The following CEP135 variants were observed in gnomAD, a reference collection of about 807,000 sequenced individuals.
CEP135 encodes centrosomal protein of 135 kDa.
Under a neutral mutation model 157.3 loss-of-function variants are expected in CEP135, and 142 were observed. The ratio of observed to expected loss-of-function variants is 0.90; its 90% CI spans 0.79 to 1.04. The LOEUF (loss-of-function observed/expected upper bound fraction) is 1.04. CEP135 is among the 50% of genes least tolerant of loss of function. The probability of loss-of-function intolerance (pLI) is 0.00; values close to 1 mark genes in which losing one functional copy is unlikely to be tolerated. For missense variants in CEP135, 1,317 were observed against 1,309.2 expected (o/e 1.01, Z -0.09); for synonymous variants, 396 against 439.8 (o/e 0.90, Z 1.25).
chr4:55,957,200 T>C, intron 4 of CEP135, 23 bp from the exon 5 acceptor site: 1 of 1,607,650 alleles, frequency 6.2e-7, no homozygotes, highest in South Asian at 1.1e-5. Context: ...TTCTTAGTTT[T>C]TTAAGACACT....
chr4:55,984,288 T>C (rs188863075), intron 13 of CEP135, among the ~76,000 whole-genome samples: 1 of 152,200 alleles, frequency 6.6e-6, no homozygotes, highest in African/African-American at 2.4e-5. Context: ...TATTGAAAGA[T>C]TCCTTCACAT....
intron 6 of CEP135, among the ~76,000 whole-genome samples, chr4:55,963,750 A>G (rs1179166370): frequency 6.6e-6 from 1 of 152,248 alleles, no homozygotes; most frequent in Non-Finnish European, 1.5e-5. Flanking sequence ...CGTCTCAAAA[A>G]GAAAAAGAAA....
Position 55,961,795 on chromosome 4 carries a change from A to T in CEP135, c.699+2029A>T, listed in dbSNP as rs563245359. Among the ~76,000 whole-genome samples, 18 of 134,760 alleles carry T rather than the reference A, an allele frequency of 1.3e-4. No individual in the cohort carries two copies. In the South Asian group the frequency reaches 4.0e-3, roughly 30 times the overall value. The allele number at this position is 134,760 out of a possible 152,430, so 88.4% of individuals were successfully genotyped here. ...AAAAAAAAAAAAAAAAAAAAAAAAAATCCATCTTCTGAGAATGTCACCTTG... is the reference window on the plus strand; with the variant it reads ...AAAAAAAAAAAAAAAAAAAAAAAAATTCCATCTTCTGAGAATGTCACCTTG... On this transcript the variant is annotated intron_variant, in intron 6 of 25. Coordinates refer to ENST00000257287, the MANE Select transcript of CEP135 (RefSeq NM_025009.5).
At chr4:56,006,696 A>G (rs192071697) in intron 17 of CEP135, among the ~76,000 whole-genome samples, 6 of 152,120 alleles carry the variant, frequency 3.9e-5, no homozygotes, top group African/African-American at 1.4e-4. Flanking sequence ...AATTTCCTTG[A>G]TACCTCAATT....
rs112638036 is a variant in CEP135 at position 55,975,373 on chromosome 4, A to AG, written c.1473+406dup. On this transcript the variant is annotated intron_variant, in intron 11 of 25. Coordinates refer to ENST00000257287, the MANE Select transcript of CEP135 (RefSeq NM_025009.5). ...TGTCATTTCCAGCCTTGGACCAGTTAGGAAGGTGTGTCACATTCTACTGAC... is the reference window on the plus strand; with the variant it reads ...TGTCATTTCCAGCCTTGGACCAGTTAGGGAAGGTGTGTCACATTCTACTGAC... Among the ~76,000 whole-genome samples, 70 of 152,322 alleles carry AG rather than the reference A, an allele frequency of 4.6e-4. 1 individual carries two copies. Among genetic ancestry groups the AG allele is most frequent in the African/African-American group, 1.4e-3 (57 of 41,586 alleles).
chr4:56,009,911 C>T lies in CEP135; in HGVS notation c.2505+8C>T, dbSNP rs754979069. On this transcript the variant is annotated splice_region_variant and intron_variant, in intron 19 of 25. Transcript: ENST00000257287. Reference sequence around the variant, plus strand: ...ATGGCAAGAGAAAATCAAGTATGAACACAAGGCATAAATTTTGATAGTTTT... The same window carrying T: ...ATGGCAAGAGAAAATCAAGTATGAATACAAGGCATAAATTTTGATAGTTTT... The T allele has an allele frequency of 1.9e-6, 3 of 1,608,656 alleles. No homozygotes were observed. The highest frequency in any genetic ancestry group is 2.5e-6 in the Non-Finnish European group (3 of 1,178,338).
chr4:56,021,891 A>G (rs1407051309), intron 24 of CEP135, among the ~76,000 whole-genome samples: 1 of 152,072 alleles, frequency 6.6e-6, no homozygotes, highest in Non-Finnish European at 1.5e-5. Context: ...TAGCTGGGGC[A>G]TGGTGATGGG....
Position 55,965,909 on chromosome 4 carries a change from C to T in CEP135, c.1044+50C>T, listed in dbSNP as rs759262268. ...TGAGAGTGTTCATTAATTCTCCTAG[C>T]ACACGGTAAGCTTGATCCCTTTTGA... is the stretch of plus-strand genomic sequence containing the variant. On this transcript the variant is annotated intron_variant, in intron 8 of 25. Coordinates refer to ENST00000257287, the MANE Select transcript of CEP135 (RefSeq NM_025009.5). 2.1e-6 allele frequency: 3 copies of T among 1,438,444 alleles called. No individual in the cohort carries two copies. The African/African-American group carries it at 4.2e-5, about 20-fold the overall frequency. The allele number at this position is 1,438,444 out of a possible 1,614,324, so 89.1% of individuals were successfully genotyped here. A position where few individuals can be genotyped will look rare whatever the true frequency, so the allele number is the denominator to read the frequency against.
intron 15 of CEP135, among the ~76,000 whole-genome samples, chr4:55,992,688 A>G (rs150523840): frequency 3.3e-5 from 5 of 152,350 alleles, no homozygotes; most frequent in Non-Finnish European, 7.3e-5. Context: ...GTGGTAATGA[A>G]CTTAGAGAAC....
chr4:55,973,951 A>G (rs2593081), intron 10 of CEP135, among the ~76,000 whole-genome samples: 51 of 152,068 alleles, frequency 3.4e-4, no homozygotes, highest in African/African-American at 1.2e-3. Context: ...CCACTCTCCT[A>G]CTTTGTTCTT....
intron 14 of CEP135, among the ~76,000 whole-genome samples, chr4:55,986,426 C>T (rs527693295): frequency 6.6e-6 from 1 of 151,998 alleles, no homozygotes; most frequent in Non-Finnish European, 1.5e-5. Context: ...CCTGTGGTGC[C>T]AGCTACTTGG....
intron 15 of CEP135, among the ~76,000 whole-genome samples, chr4:55,995,724 A>G (rs779807731): frequency 1.1e-4 from 16 of 152,192 alleles, no homozygotes; most frequent in Non-Finnish European, 2.1e-4. Flanking sequence ...CCTTACGGAA[A>G]TTGGCATCCA....
chr4:56,017,943 T>G, intron 22 of CEP135, 86 bp downstream of exon 22: 30 of 1,094,990 alleles, frequency 2.7e-5, no homozygotes, highest in Non-Finnish European at 3.4e-5. Flanking sequence ...ACCATGCATA[T>G]ACTTGTTTCC....
At chr4:56,016,464 A>G (rs767674232) in intron 21 of CEP135, among the ~76,000 whole-genome samples, 1 of 152,034 alleles carries the variant, frequency 6.6e-6, no homozygotes, top group Non-Finnish European at 1.5e-5. Context: ...CTAATCTTCA[A>G]TTATTTTGTT....
At chr4:55,955,414 G>A (rs1392408592) in intron 4 of CEP135, among the ~76,000 whole-genome samples, 1 of 152,186 alleles carries the variant, frequency 6.6e-6, no homozygotes, top group Non-Finnish European at 1.5e-5. Flanking sequence ...CTGAAGTTGA[G>A]GGGAGAGGAG....
chr4:56,019,325 A>T, intron 22 of CEP135, 28 bp from the exon 23 acceptor site: 1 of 1,556,136 alleles, frequency 6.4e-7, no homozygotes, highest in Non-Finnish European at 8.8e-7. Context: ...AATTGTACTG[A>T]AGTAATCTTA....
chr4:55,995,145 C>G (rs1729927673), intron 15 of CEP135, among the ~76,000 whole-genome samples: 1 of 151,994 alleles, frequency 6.6e-6, no homozygotes, highest in African/African-American at 2.4e-5. Context: ...CATTTTATAC[C>G]CCAGATCAAA....
At chr4:56,022,831 C>T (rs533949092) in intron 24 of CEP135, among the ~76,000 whole-genome samples, 3 of 152,234 alleles carry the variant, frequency 2.0e-5, no homozygotes, top group Non-Finnish European at 2.9e-5. Flanking sequence ...CATGGTGGTT[C>T]GTGCCTGTAA....
intron 25 of CEP135, 76 bp downstream of exon 25, chr4:56,024,690 G>A (rs1731093794): frequency 2.4e-5 from 24 of 1,001,054 alleles, no homozygotes; most frequent in Middle Eastern, 2.1e-4. Flanking sequence ...TCTGCATCAG[G>A]AAAGGGGAGA....
Sources: gnomAD v4.1 joint callset for allele counts (sites outside exome capture counted in the v4.1 genomes callset) on GRCh38, gnomAD v4.1.1 for gene constraint, MANE v1.5 for transcripts, NCBI Gene and HGNC (gene_info 2026-07-23, HGNC 2026-07-21) for gene names.